Variants in NEGR1 observed in about 807,000 individuals in gnomAD.
NEGR1 encodes IgLON family member 4.
NEGR1 carries 10 observed loss-of-function variants against 40.9 expected under a neutral mutation model. The observed-to-expected ratio is 0.24, with a 90% CI of 0.15 to 0.42. The LOEUF is 0.42. NEGR1 is among the 10% of genes least tolerant of loss of function. NEGR1 has a pLI of 1.00. For synonymous variants in NEGR1, 185 were observed against 166.8 expected (o/e 1.11, Z -0.84); for missense variants, 352 against 438.9 (o/e 0.80, Z 1.77).
intron 6 of NEGR1, among the ~76,000 whole-genome samples, chr1:71,471,077 A>G (rs1646778937): frequency 6.6e-6 from 1 of 152,156 alleles, no homozygotes; most frequent in African/African-American, 2.4e-5. Context: ...TCATCAAGTT[A>G]TATTCCTGCT....
intron 1 of NEGR1, among the ~76,000 whole-genome samples, chr1:72,214,686 CA>C (rs1325569159): frequency 1.3e-5 from 2 of 152,100 alleles, no homozygotes; most frequent in African/African-American, 2.4e-5. Flanking sequence ...AGGAGTACTA[CA>C]AGCCACTGCT....
chr1:71,933,977 A>G (rs1025073583), intron 2 of NEGR1, among the ~76,000 whole-genome samples: 1 of 152,116 alleles, frequency 6.6e-6, no homozygotes, highest in Admixed American at 6.6e-5. Context: ...GACTTAAGCT[A>G]TGCACCTAAG....
chr1:72,129,613 G>A (rs1040242281), intron 1 of NEGR1, among the ~76,000 whole-genome samples: 4 of 152,160 alleles, frequency 2.6e-5, no homozygotes. Context: ...ACAGATAAAA[G>A]TAATAAAATG....
At chr1:71,475,291 A>G (rs1290215868) in intron 6 of NEGR1, among the ~76,000 whole-genome samples, 1 of 152,086 alleles carries the variant, frequency 6.6e-6, no homozygotes, top group Non-Finnish European at 1.5e-5. Context: ...GCTATTGAGT[A>G]TTTGAAAAAT....
chr1:72,003,895 A>G (rs2100386813), intron 1 of NEGR1, among the ~76,000 whole-genome samples: 1 of 152,272 alleles, frequency 6.6e-6, no homozygotes. Context: ...AGTACCACAG[A>G]TTGATAGTTC....
intron 2 of NEGR1, among the ~76,000 whole-genome samples, chr1:71,921,082 T>C (rs372232264): frequency 1.7e-4 from 26 of 152,336 alleles, no homozygotes; most frequent in African/African-American, 5.8e-4. Context: ...CCAATTTATC[T>C]TACTTTCTAA....
chr1:72,122,895 C>T (rs1649855702), intron 1 of NEGR1, among the ~76,000 whole-genome samples: 1 of 150,656 alleles, frequency 6.6e-6, no homozygotes, highest in Admixed American at 6.6e-5. Flanking sequence ...TTTCAAAAGA[C>T]AAAATAAAAC....
intron 1 of NEGR1, among the ~76,000 whole-genome samples, chr1:72,006,766 G>T (rs919827722): frequency 2.0e-5 from 3 of 152,024 alleles, no homozygotes; most frequent in Non-Finnish European, 4.4e-5. Context: ...GGAAAAACTG[G>T]GGGGGGCGGG....
intron 2 of NEGR1, among the ~76,000 whole-genome samples, chr1:71,931,054 G>A (rs1645850587): frequency 6.6e-6 from 1 of 152,112 alleles, no homozygotes; most frequent in Admixed American, 6.5e-5. Context: ...ACACTCCCAG[G>A]TTCTAGAGAA....
intron 6 of NEGR1, among the ~76,000 whole-genome samples, chr1:71,590,883 T>A (rs1285701352): frequency 6.6e-6 from 1 of 152,148 alleles, no homozygotes; most frequent in East Asian, 1.9e-4. Flanking sequence ...TTTAATTCAT[T>A]TATTCACTAA....
At chr1:72,053,849 C>T (rs190575944) in intron 1 of NEGR1, among the ~76,000 whole-genome samples, 13 of 142,386 alleles carry the variant, frequency 9.1e-5, no homozygotes, top group Admixed American at 3.5e-4. Context: ...ATCTCAAAAA[C>T]GAACACTTTT....
At chr1:71,850,131 GTCTTTTTTTGTT>G (rs1659555414) in intron 2 of NEGR1, among the ~76,000 whole-genome samples, 1 of 134,632 alleles carries the variant, frequency 7.4e-6, no homozygotes, top group Non-Finnish European at 1.7e-5. Flanking sequence ...ATAATCTACT[GTCTTTTTTTGTT>G]TGTTTGTTTG....
chr1:72,098,124 A>T (rs1303547397), intron 1 of NEGR1, among the ~76,000 whole-genome samples: 1 of 152,170 alleles, frequency 6.6e-6, no homozygotes, highest in Admixed American at 6.5e-5. Flanking sequence ...GGAATAATTG[A>T]TCTTTTAACA....
intron 6 of NEGR1, among the ~76,000 whole-genome samples, chr1:71,494,331 A>T (rs1360408106): frequency 1.3e-5 from 2 of 151,834 alleles, no homozygotes; most frequent in Non-Finnish European, 2.9e-5. Context: ...CCCAGTAAAA[A>T]CTCTGGACAC....
intron 4 of NEGR1, among the ~76,000 whole-genome samples, chr1:71,655,764 A>G (rs1651855033): frequency 6.6e-6 from 1 of 152,132 alleles, no homozygotes; most frequent in Admixed American, 6.6e-5. Flanking sequence ...GAAGATACTG[A>G]GAAGTTTATT....
At chr1:71,687,352 T>C (rs934655994) in intron 4 of NEGR1, among the ~76,000 whole-genome samples, 17 of 152,210 alleles carry the variant, frequency 1.1e-4, no homozygotes, top group African/African-American at 3.4e-4. Context: ...AATTTTGTTA[T>C]CTTTCATTTT....
intron 1 of NEGR1, among the ~76,000 whole-genome samples, chr1:71,999,960 T>C (rs529738173): frequency 3.3e-5 from 5 of 151,946 alleles, no homozygotes; most frequent in African/African-American, 1.2e-4. Flanking sequence ...ATTACAATAG[T>C]AATACCCATA....
chr1:72,045,473 G>A (rs1369906539), intron 1 of NEGR1, among the ~76,000 whole-genome samples: 1 of 151,746 alleles, frequency 6.6e-6, no homozygotes, highest in Admixed American at 6.6e-5. Flanking sequence ...AAATATGGGG[G>A]TGGGTGTTTC....
chr1:72,272,979 G>A (rs1211069252), intron 1 of NEGR1, among the ~76,000 whole-genome samples: 2 of 151,900 alleles, frequency 1.3e-5, no homozygotes, highest in East Asian at 3.9e-4. Flanking sequence ...GTGATTAAGA[G>A]ACCAATTCCC....
Sources: allele counts gnomAD v4.1 joint callset (sites outside exome capture counted in the v4.1 genomes callset), GRCh38; gene constraint gnomAD v4.1.1; transcripts MANE v1.5; gene names NCBI Gene and HGNC (gene_info 2026-07-23, HGNC 2026-07-21).